ATG10: variants seen among roughly 807,000 people sequenced by gnomAD.
ATG10 encodes the protein ubiquitin-like-conjugating enzyme ATG10.
Under a neutral mutation model 32.1 loss-of-function variants are expected in ATG10, and 30 were observed. The ratio of observed to expected loss-of-function variants is 0.94; its 90% CI spans 0.70 to 1.27. The LOEUF (loss-of-function observed/expected upper bound fraction) is 1.27. Among genes scored for constraint, ATG10 ranks in the 50% most tolerant of loss-of-function variants. ATG10 has a pLI of 0.00. For synonymous variants in ATG10, 87 were observed against 91.5 expected, an observed-to-expected ratio of 0.95 and a Z score of 0.28; for missense variants, 233 against 262.3, an observed-to-expected ratio of 0.89 and a Z score of 0.77.
At chr5:82,189,479 C>T (rs1232664105) in intron 5 of ATG10, among the ~76,000 whole-genome samples, 3 of 152,118 alleles carry the variant, frequency 2.0e-5, no homozygotes, top group Non-Finnish European at 4.4e-5. Context: ...GGGTGATGCT[C>T]AGTTGTAGTT....
intron 3 of ATG10, among the ~76,000 whole-genome samples, chr5:82,116,740 A>G (rs1765826841): frequency 6.6e-6 from 1 of 152,144 alleles, no homozygotes; most frequent in Non-Finnish European, 1.5e-5. Context: ...TCTTCAAGCC[A>G]ATTTTATTTT....
intron 3 of ATG10, among the ~76,000 whole-genome samples, chr5:82,110,710 A>G (rs1581699420): frequency 6.6e-6 from 1 of 152,172 alleles, no homozygotes; most frequent in South Asian, 2.1e-4. Flanking sequence ...GCCCTTTGTC[A>G]GATGAGTTGA....
chr5:82,164,330 T>C (rs1743488057), intron 3 of ATG10, 69 bp from the exon 4 acceptor site: 2 of 1,448,172 alleles, frequency 1.4e-6, no homozygotes, highest in Admixed American at 1.8e-5. Flanking sequence ...AAATCTCCTC[T>C]TTTCCTCTCC....
chr5:82,249,275 T>G (rs1047700340), intron 5 of ATG10, among the ~76,000 whole-genome samples: 2 of 152,236 alleles, frequency 1.3e-5, no homozygotes, highest in Non-Finnish European at 2.9e-5. Context: ...CATATAGACC[T>G]AGACCTTTTA....
At chr5:81,994,887 A>G (rs1761615329) in intron 2 of ATG10, among the ~76,000 whole-genome samples, 2 of 152,222 alleles carry the variant, frequency 1.3e-5, no homozygotes, top group African/African-American at 4.8e-5. Context: ...ATAAAAATAC[A>G]TCTAGAAGCC....
intron 2 of ATG10, among the ~76,000 whole-genome samples, chr5:82,053,956 G>A (rs893285065): frequency 6.6e-6 from 1 of 152,154 alleles, no homozygotes; most frequent in African/African-American, 2.4e-5. Context: ...ATTAACAGAG[G>A]TGATTTTAGC....
At chr5:82,113,543 A>G (rs1363164577) in intron 3 of ATG10, among the ~76,000 whole-genome samples, 1 of 151,968 alleles carries the variant, frequency 6.6e-6, no homozygotes, top group Non-Finnish European at 1.5e-5. Flanking sequence ...ATGAAGACTT[A>G]TTTCAAGTGT....
At chr5:82,199,312 T>C (rs1744977379) in intron 5 of ATG10, among the ~76,000 whole-genome samples, 1 of 152,250 alleles carries the variant, frequency 6.6e-6, no homozygotes, top group South Asian at 2.1e-4. Context: ...TCTCAAATTT[T>C]CTTTTTAATA....
chr5:82,199,653 A>T (rs1744990232), intron 5 of ATG10, among the ~76,000 whole-genome samples: 1 of 152,220 alleles, frequency 6.6e-6, no homozygotes. Flanking sequence ...TGCATACAGA[A>T]CATTATTTTA....
At chr5:82,187,639 C>A (rs567704267) in intron 5 of ATG10, among the ~76,000 whole-genome samples, 8 of 151,548 alleles carry the variant, frequency 5.3e-5, no homozygotes, top group Admixed American at 4.6e-4. Context: ...AGTGCAGTGG[C>A]GCGATCTCTG....
chr5:82,158,367 C>CT (rs770579972), intron 3 of ATG10, among the ~76,000 whole-genome samples: 10 of 148,944 alleles, frequency 6.7e-5, no homozygotes, highest in Non-Finnish European at 1.3e-4. Flanking sequence ...CCCCCCATCT[C>CT]TGTGGGTTCC....
chr5:82,037,695 T>A (rs1438681271), intron 2 of ATG10, among the ~76,000 whole-genome samples: 1 of 152,152 alleles, frequency 6.6e-6, no homozygotes, highest in Non-Finnish European at 1.5e-5. Context: ...GAGAAATGTC[T>A]TATAGGTTTT....
intron 3 of ATG10, among the ~76,000 whole-genome samples, chr5:82,110,674 G>T: frequency 6.6e-6 from 1 of 151,928 alleles, no homozygotes; most frequent in Non-Finnish European, 1.5e-5. Context: ...AAATTTGTTT[G>T]AGTTCATTGT....
At chr5:81,985,179 CTAAG>C (rs1397300533) in intron 1 of ATG10, among the ~76,000 whole-genome samples, 1 of 152,112 alleles carries the variant, frequency 6.6e-6, no homozygotes, top group African/African-American at 2.4e-5. Flanking sequence ...AGTTTTGTTA[CTAAG>C]TAAGAGTTTG....
At chr5:82,033,948 A>ATATG (rs1762823894) in intron 2 of ATG10, among the ~76,000 whole-genome samples, 1 of 147,596 alleles carries the variant, frequency 6.8e-6, no homozygotes, top group African/African-American at 2.5e-5. Context: ...TGTACTATGT[A>ATATG]TATGTATATA....
chr5:82,065,745 T>A (rs1311008049), intron 3 of ATG10, among the ~76,000 whole-genome samples: 1 of 152,162 alleles, frequency 6.6e-6, no homozygotes, highest in East Asian at 1.9e-4. Flanking sequence ...ATTGTCCTTA[T>A]TGAAGCCTTA....
chr5:82,180,611 T>A (rs1156884563), intron 5 of ATG10, among the ~76,000 whole-genome samples: 2 of 152,186 alleles, frequency 1.3e-5, no homozygotes, highest in Non-Finnish European at 2.9e-5. Flanking sequence ...AAAATTTGTA[T>A]TGTAGAGTCC....
intron 5 of ATG10, among the ~76,000 whole-genome samples, chr5:82,222,799 A>G (rs151276847): frequency 6.6e-6 from 1 of 152,364 alleles, no homozygotes; most frequent in East Asian, 1.9e-4. Context: ...GCAGTTGCAC[A>G]GGCATGAATG....
At chr5:82,225,864 T>C (rs1324531532) in intron 5 of ATG10, among the ~76,000 whole-genome samples, 4 of 152,244 alleles carry the variant, frequency 2.6e-5, no homozygotes, top group Non-Finnish European at 5.9e-5. Context: ...TAACATTCTC[T>C]AGTGTGAACC....
Sources: gnomAD v4.1 joint callset for allele counts (sites outside exome capture counted in the v4.1 genomes callset) on GRCh38, gnomAD v4.1.1 for gene constraint, MANE v1.5 for transcripts, NCBI Gene and HGNC (gene_info 2026-07-23, HGNC 2026-07-21) for gene names.